Variants in CLEC16A observed in about 807,000 individuals in gnomAD.
The protein encoded by CLEC16A is C-type lectin domain containing 16A, also known as protein CLEC16A.
A neutral mutation model predicts 109.5 loss-of-function variants in CLEC16A; 51 were observed. That is an observed-to-expected ratio of 0.47 (90% CI 0.37 to 0.59). The LOEUF (loss-of-function observed/expected upper bound fraction) is 0.59, where lower values mean the gene tolerates loss of function less well. Ranked by LOEUF, CLEC16A falls within the 20% of genes least tolerant of loss-of-function variation. The probability of loss-of-function intolerance (pLI) is 0.00; values close to 1 mark genes in which losing one functional copy is unlikely to be tolerated. For synonymous variants in CLEC16A, 673 were observed against 564.2 expected (o/e 1.19, Z -2.73); for missense variants, 1,339 against 1,394.0 (o/e 0.96, Z 0.63).
At chr16:11,075,398 G>T (rs1010266613) in intron 19 of CLEC16A, among the ~76,000 whole-genome samples, 1 of 134,426 alleles carries the variant, frequency 7.4e-6, no homozygotes, top group Admixed American at 7.4e-5. Context: ...GTGTGTGTGT[G>T]TGTGTGTGTG....
intron 22 of CLEC16A, among the ~76,000 whole-genome samples, chr16:11,154,704 C>T (rs2054437794): frequency 6.6e-6 from 1 of 152,192 alleles, no homozygotes; most frequent in Admixed American, 6.5e-5. Context: ...GTGGGCGGAT[C>T]ACCTGAGGTC....
chr16:10,950,341 A>G (rs942619088), intron 1 of CLEC16A, among the ~76,000 whole-genome samples: 1 of 152,226 alleles, frequency 6.6e-6, no homozygotes, highest in African/African-American at 2.4e-5. Flanking sequence ...AATATTTGTC[A>G]CAGGATGAAC....
Position 11,027,808 on chromosome 16 carries a change from A to G in CLEC16A, c.1537+2887A>G. 6.0e-6 allele frequency: 5 copies of G among 827,306 alleles called. No homozygotes were observed. The South Asian group carries it at 7.1e-5, about 12-fold the overall frequency. The allele number at this position is 827,306 out of a possible 1,614,324, so 51.2% of individuals were successfully genotyped here. A position where few individuals can be genotyped will look rare whatever the true frequency, so the allele number is the denominator to read the frequency against. On this transcript the variant is annotated intron_variant, in intron 13 of 23. Transcript: ENST00000409790. The stretch of plus-strand genomic sequence containing the variant: ...AGTATATTTTTGATCAATGAAGTGG[A>G]AGCATGTGTTTTGTTGTTTTGGGAA...
chr16:11,126,091 C>A lies in CLEC16A; in HGVS notation c.2586C>A (p.Gly862=), dbSNP rs778188242. ...GCTTCTACGACCAGGGGCGCCGGGG[C>A]AGCAGCGACCCCACAGTGCAGCGCT... ...PFRFYDQGRR[G]SSDPTVQRSV... is the part of the protein sequence containing the mutation. The change falls in exon 22 of 24, where the codon GGC becomes GGA. Residue 862 remains glycine (G), a synonymous_variant. Coordinates refer to ENST00000409790, the MANE Select transcript of CLEC16A (RefSeq NM_015226.3). 1 of 1,613,922 alleles carries A rather than the reference C, an allele frequency of 6.2e-7. No individual in the cohort carries two copies. The highest frequency in any genetic ancestry group is 1.3e-5 in the African/African-American group (1 of 75,016).
intron 13 of CLEC16A, among the ~76,000 whole-genome samples, chr16:11,025,919 G>C (rs77844341): frequency 0.04 from 6,146 of 152,294 alleles, 417 homozygotes; most frequent in African/African-American, 0.14. Flanking sequence ...AACCCAAGTA[G>C]GAGTATATAT....
chr16:11,063,839 G>A (rs2048622506), intron 19 of CLEC16A, among the ~76,000 whole-genome samples: 1 of 151,780 alleles, frequency 6.6e-6, no homozygotes, highest in Non-Finnish European at 1.5e-5. Context: ...AGAGAGGAGA[G>A]TGGCAGAGGG....
intron 16 of CLEC16A, among the ~76,000 whole-genome samples, chr16:11,044,735 A>G (rs1472690575): frequency 6.6e-6 from 1 of 151,820 alleles, no homozygotes; most frequent in Non-Finnish European, 1.5e-5. Flanking sequence ...GTTTAAGACC[A>G]GCCTGACCAA....
chr16:11,114,887 C>T (rs748906733), intron 19 of CLEC16A, among the ~76,000 whole-genome samples: 2 of 152,246 alleles, frequency 1.3e-5, no homozygotes, highest in South Asian at 2.1e-4. Context: ...CTCTGAAAAG[C>T]GAGAGCTCCC....
chr16:10,963,472 T>A (rs1314581830), intron 3 of CLEC16A, among the ~76,000 whole-genome samples: 5 of 152,200 alleles, frequency 3.3e-5, no homozygotes, highest in African/African-American at 1.2e-4. Flanking sequence ...TATGACTTGC[T>A]ATTAAAGAGT....
chr16:11,175,416 C>T (rs2068706996), intron 23 of CLEC16A, among the ~76,000 whole-genome samples: 2 of 152,204 alleles, frequency 1.3e-5, no homozygotes, highest in South Asian at 4.1e-4. Flanking sequence ...ACTTGTGGCC[C>T]TAGAGTTCAA....
intron 19 of CLEC16A, among the ~76,000 whole-genome samples, chr16:11,115,617 C>T (rs963472654): frequency 6.6e-6 from 1 of 152,202 alleles, no homozygotes; most frequent in Admixed American, 6.5e-5. Flanking sequence ...AAGCGATCCA[C>T]CCATCTCAGT....
chr16:11,020,157 G>A, intron 11 of CLEC16A, 36 bp from the exon 12 acceptor site: 1 of 1,591,000 alleles, frequency 6.3e-7, no homozygotes, highest in African/African-American at 1.3e-5. Context: ...CTGAAAAGCT[G>A]TCTGGACTCA....
intron 19 of CLEC16A, among the ~76,000 whole-genome samples, chr16:11,097,922 T>C (rs2050697480): frequency 6.6e-6 from 1 of 152,232 alleles, no homozygotes; most frequent in East Asian, 1.9e-4. Context: ...TCTCCTCAGC[T>C]GGCCCACGGG....
chr16:11,152,345 G>T (rs2054324783), intron 22 of CLEC16A, among the ~76,000 whole-genome samples: 1 of 152,252 alleles, frequency 6.6e-6, no homozygotes, highest in South Asian at 2.1e-4. Context: ...GCTGGTGTCT[G>T]CATGGGTCTG....
intron 1 of CLEC16A, among the ~76,000 whole-genome samples, chr16:10,953,169 G>A (rs1489956618): frequency 6.6e-6 from 1 of 152,252 alleles, no homozygotes; most frequent in African/African-American, 2.4e-5. Context: ...GTATGGTCTT[G>A]ATACAAGGAT....
chr16:10,966,000 G>A (rs2042483392), intron 3 of CLEC16A, among the ~76,000 whole-genome samples: 1 of 152,138 alleles, frequency 6.6e-6, no homozygotes, highest in Non-Finnish European at 1.5e-5. Context: ...GCAGGGCTCA[G>A]TAAGACACCC....
chr16:11,109,840 G>A (rs1008183672), intron 19 of CLEC16A, among the ~76,000 whole-genome samples: 1 of 152,200 alleles, frequency 6.6e-6, no homozygotes, highest in African/African-American at 2.4e-5. Flanking sequence ...ATTTGCTAAT[G>A]TTTACTGAAC....
intron 19 of CLEC16A, among the ~76,000 whole-genome samples, chr16:11,114,468 A>G (rs1364106684): frequency 2.0e-5 from 3 of 152,104 alleles, no homozygotes; most frequent in Non-Finnish European, 4.4e-5. Context: ...AGTGTCAGGC[A>G]GGGAGGCTGC....
At chr16:11,074,812 T>C (rs117148383) in intron 19 of CLEC16A, among the ~76,000 whole-genome samples, 80 of 152,330 alleles carry the variant, frequency 5.3e-4, no homozygotes, top group Non-Finnish European at 1.0e-3. Flanking sequence ...TAGATTCAAT[T>C]CTATGCATTA....
Sources: gnomAD v4.1 joint callset for allele counts (sites outside exome capture counted in the v4.1 genomes callset) on GRCh38, gnomAD v4.1.1 for gene constraint, MANE v1.5 for transcripts, NCBI Gene and HGNC (gene_info 2026-07-23, HGNC 2026-07-21) for gene names.